ASPH: variants seen among roughly 807,000 people sequenced by gnomAD.
ASPH encodes the protein aspartyl/asparaginyl beta-hydroxylase.
In ASPH, 100 loss-of-function variants were observed where a neutral mutation model predicts 118.4. The ratio of observed to expected loss-of-function variants is 0.84; its 90% CI spans 0.72 to 1.00. The LOEUF (loss-of-function observed/expected upper bound fraction) is 1.00. Among genes scored for constraint, ASPH ranks in the 50% least tolerant of loss-of-function variants. The probability of loss-of-function intolerance (pLI) is 0.00; values close to 1 mark genes in which losing one functional copy is unlikely to be tolerated. For missense variants in ASPH, 920 were observed against 919.5 expected, an observed-to-expected ratio of 1.00 and a Z score of -0.01; for synonymous variants, 315 against 325.6, an observed-to-expected ratio of 0.97 and a Z score of 0.35.
intron 3 of ASPH, chr8:61,675,993 C>T: frequency 6.4e-7 from 1 of 1,563,296 alleles, no homozygotes; most frequent in Non-Finnish European, 8.6e-7. Flanking sequence ...CACATTAAGC[C>T]CTGCATAAGC....
At chr8:61,513,017 T>TG (rs879737630) in intron 24 of ASPH, among the ~76,000 whole-genome samples, 41 of 152,354 alleles carry the variant, frequency 2.7e-4, no homozygotes, top group African/African-American at 8.2e-4. Flanking sequence ...GCTGCATACC[T>TG]GCCAGTTCAT....
At chr8:61,661,748 A>C (rs1817024324) in intron 3 of ASPH, 1 of 352,858 alleles carries the variant, frequency 2.8e-6, no homozygotes, top group Non-Finnish European at 5.1e-6. Context: ...TGAAGTTACA[A>C]ACTTGCATAG....
In ASPH at chr8:61,582,341, A is replaced by G. The variant is rs111532994; in HGVS notation, c.1062+1603T>C. Among the ~76,000 whole-genome samples, 46 of 152,298 alleles carry G rather than the reference A, an allele frequency of 3.0e-4. 1 individual carries two copies. The highest frequency in any genetic ancestry group is 6.3e-4 in the African/African-American group (26 of 41,578). On this transcript the variant is annotated intron_variant, in intron 15 of 24. Coordinates refer to ENST00000379454, the MANE Select transcript of ASPH (RefSeq NM_004318.4). ...AAGCTGCTCATATGTTTTTTACACCAAAAGTCACCTGTGCAATAGGCACTC... is the reference window on the plus strand; with the variant it reads ...AAGCTGCTCATATGTTTTTTACACCGAAAGTCACCTGTGCAATAGGCACTC...
intron 17 of ASPH, among the ~76,000 whole-genome samples, chr8:61,566,900 C>A (rs1831895922): frequency 6.6e-6 from 1 of 152,118 alleles, no homozygotes; most frequent in African/African-American, 2.4e-5. Flanking sequence ...TTTAGATACC[C>A]TGGGAAATCA....
chr8:61,665,366 A>G, intron 3 of ASPH: 4 of 1,613,576 alleles, frequency 2.5e-6, no homozygotes, highest in Non-Finnish European at 3.4e-6. Context: ...AACATCCTTC[A>G]TATTTGTTGA....
intron 1 of ASPH, among the ~76,000 whole-genome samples, chr8:61,706,452 A>G (rs1179330849): frequency 4.3e-5 from 6 of 139,758 alleles, no homozygotes; most frequent in African/African-American, 1.1e-4. Context: ...GAAGAAGAAG[A>G]AGAAGGAGGA....
chr8:61,603,713 C>T (rs150677013), intron 14 of ASPH, among the ~76,000 whole-genome samples: 1 of 152,174 alleles, frequency 6.6e-6, no homozygotes, highest in East Asian at 1.9e-4. Context: ...TCCCTATCCC[C>T]AAGTACTTCA....
In ASPH at chr8:61,501,726, G is replaced by A. The variant is rs1394668917; in HGVS notation, c.*1633C>T. 1 of 152,176 alleles carries A rather than the reference G, an allele frequency of 6.6e-6. No individual in the cohort carries two copies. The highest frequency in any genetic ancestry group is 6.5e-5 in the Admixed American group (1 of 15,276). The allele number at this position is 152,176 out of a possible 1,614,324, so 9.4% of individuals were successfully genotyped here. Reference sequence around the variant, plus strand: ...GCCTCTTCATCTGATTTAGTGGGATGTTTTCAATACCAGCAAAACAAAAGA... The same window carrying A: ...GCCTCTTCATCTGATTTAGTGGGATATTTTCAATACCAGCAAAACAAAAGA... On this transcript the variant is annotated 3_prime_UTR_variant, in exon 25 of 25. Coordinates refer to ENST00000379454, the MANE Select transcript of ASPH (RefSeq NM_004318.4).
At chr8:61,626,330 T>G in intron 13 of ASPH, 1 of 1,439,164 alleles carries the variant, frequency 6.9e-7, no homozygotes, top group Non-Finnish European at 9.1e-7. Flanking sequence ...AGACACAGAC[T>G]GTGAAACTGC....
At chr8:61,674,458 C>A (rs1304222140) in intron 3 of ASPH, among the ~76,000 whole-genome samples, 2 of 152,168 alleles carry the variant, frequency 1.3e-5, no homozygotes, top group Non-Finnish European at 2.9e-5. Context: ...AACATATTTG[C>A]CCATTAGTGC....
rs186860689 is a variant in ASPH at position 61,634,844 on chromosome 8, C to A, written c.890-1117G>T. On this transcript the variant is annotated intron_variant, in intron 12 of 24. Transcript: ENST00000379454. Reference sequence around the variant, plus strand: ...TAGTTGCTGCTTTTGTTATTTCCAACACTGATGTTATACTAAGAAAGCCTT... The same window carrying A: ...TAGTTGCTGCTTTTGTTATTTCCAAAACTGATGTTATACTAAGAAAGCCTT... Among the ~76,000 whole-genome samples the A allele has an allele frequency of 1.8e-3, 278 of 152,270 alleles. 4 individuals are homozygous for A. The highest frequency in any genetic ancestry group is 0.016 in the Admixed American group (237 of 15,290).
At chr8:61,536,799 C>T (rs1819783810) in intron 21 of ASPH, among the ~76,000 whole-genome samples, 1 of 151,866 alleles carries the variant, frequency 6.6e-6, no homozygotes, top group Admixed American at 6.6e-5. Context: ...GTTTCCTGGG[C>T]TGTTTATCAT....
chr8:61,656,678 TTTAGG>T (rs1164062074), intron 3 of ASPH: 1 of 152,226 alleles, frequency 6.6e-6, no homozygotes, highest in East Asian at 1.9e-4. Flanking sequence ...GTTTTAGTTC[TTTAGG>T]TTAATCAGAT....
chr8:61,633,667 A>T lies in ASPH; in HGVS notation c.934+16T>A, dbSNP rs1052663530. 1 of 1,589,716 alleles carries T rather than the reference A, an allele frequency of 6.3e-7. No individual in the cohort carries two copies. Among genetic ancestry groups the T allele is most frequent in the Non-Finnish European group, 8.6e-7 (1 of 1,167,606 alleles). ...GGATAACAAAAGAGGAAAATACAACATACAAAATGTCATACCTGGTGGTAC... is the reference window on the plus strand; with the variant it reads ...GGATAACAAAAGAGGAAAATACAACTTACAAAATGTCATACCTGGTGGTAC... On this transcript the variant is annotated intron_variant, in intron 13 of 24. Coordinates refer to ENST00000379454, the MANE Select transcript of ASPH (RefSeq NM_004318.4).
At chr8:61,622,096 T>C (rs1177806703) in intron 13 of ASPH, among the ~76,000 whole-genome samples, 4 of 152,174 alleles carry the variant, frequency 2.6e-5, no homozygotes, top group Non-Finnish European at 5.9e-5. Context: ...TCCCAGCAGT[T>C]TGGGAGGCCG....
At chr8:61,664,548 G>T in intron 3 of ASPH, 1 of 985,344 alleles carries the variant, frequency 1.0e-6, no homozygotes, top group Non-Finnish European at 1.2e-6. Flanking sequence ...ATGGGAGAAG[G>T]GTGAGGTTGT....
Position 61,501,790 on chromosome 8 carries a change from A to G in ASPH, c.*1569T>C, listed in dbSNP as rs1188167761. On this transcript the variant is annotated 3_prime_UTR_variant, in exon 25 of 25. Coordinates refer to ENST00000379454, the MANE Select transcript of ASPH (RefSeq NM_004318.4). ...TTTGCAAACTCATCTACTGGAAGCT[A>G]ATCTCCTTAAGGTCAAGCAAAAAGG... 1 of 152,218 alleles carries G rather than the reference A, an allele frequency of 6.6e-6. No homozygotes were observed. The highest frequency in any genetic ancestry group is 1.5e-5 in the Non-Finnish European group (1 of 68,032). 9.4% of individuals were successfully genotyped at this position (152,218 alleles called of 1,614,324 possible). A position where few individuals can be genotyped will look rare whatever the true frequency, so the allele number is the denominator to read the frequency against.
intron 18 of ASPH, among the ~76,000 whole-genome samples, chr8:61,558,267 TAA>T: frequency 6.6e-6 from 1 of 152,064 alleles, no homozygotes; most frequent in Admixed American, 6.5e-5. Context: ...TATTTAGGGA[TAA>T]ATAGGAGTTC....
intron 13 of ASPH, chr8:61,624,544 C>G (rs966647492): frequency 5.2e-6 from 5 of 968,934 alleles, no homozygotes; most frequent in Non-Finnish European, 6.1e-6. Context: ...ATAGAGAATT[C>G]TTCTGTATTT....
Sources: allele counts gnomAD v4.1 joint callset (sites outside exome capture counted in the v4.1 genomes callset), GRCh38; gene constraint gnomAD v4.1.1; transcripts MANE v1.5; gene names NCBI Gene and HGNC (gene_info 2026-07-23, HGNC 2026-07-21).